Variants in OCRL observed in about 807,000 individuals in gnomAD.
OCRL encodes inositol polyphosphate 5-phosphatase OCRL.
OCRL carries 8 observed loss-of-function variants against 78.9 expected under a neutral mutation model. The ratio of observed to expected loss-of-function variants is 0.10; its 90% confidence interval spans 0.06 to 0.18. OCRL has a LOEUF of 0.18. OCRL is among the 10% of genes least tolerant of loss of function. OCRL has a pLI of 1.00. For missense variants in OCRL, 454 were observed against 696.7 expected (o/e 0.65, Z 3.92); for synonymous variants, 240 against 235.4 (o/e 1.02, Z -0.18).
At chrX:129,566,145 G>A (rs1936213973) in intron 13 of OCRL, among the ~76,000 whole-genome samples, 1 of 112,314 alleles carries the variant, frequency 8.9e-6, no homozygotes, top group African/African-American at 3.2e-5. Context: ...AGATTTCAGA[G>A]ATTTGTCTAA....
intron 12 of OCRL, among the ~76,000 whole-genome samples, chrX:129,564,343 C>A (rs1295496625): frequency 9.1e-6 from 1 of 109,674 alleles, no homozygotes; most frequent in Non-Finnish European, 1.9e-5. Context: ...ACTAGAAATA[C>A]CATTTGACCC....
rs1333937435 is a variant in OCRL, at chrX:129,589,885, G to A, written c.2510G>A (p.Arg837His). ...QLPRCHRNVF[R>H]YLMAFLRELL... is the part of the protein sequence containing the mutation. ...CCGAGATGCCATAGAAATGTTTTCC[G>A]TTACTTGATGGCATTCCTTCGAGAA... The change falls in exon 23 of 24, where the codon CGT becomes CAT. Residue 837 changes from arginine (R) to histidine (H), a missense_variant. Arg to His is a conservative substitution (Grantham distance 29, BLOSUM62 0). Around this residue, in one of 2 missense-constraint regions of OCRL, gnomAD observed 277 missense variants for 517.1 expected, o/e 0.54. Coordinates refer to ENST00000371113, the MANE Select transcript of OCRL (RefSeq NM_000276.4). 5.0e-6 allele frequency: 6 copies of A among 1,208,652 alleles called. No homozygotes were observed. In the African/African-American group the frequency reaches 5.3e-5, roughly 11 times the overall value.
chrX:129,577,626 G>A (rs902727451), intron 18 of OCRL, among the ~76,000 whole-genome samples: 3 of 111,514 alleles, frequency 2.7e-5, no homozygotes, highest in South Asian at 7.6e-4. Flanking sequence ...GTCTGAGTCC[G>A]ATCTGTTCTG....
intron 17 of OCRL, 104 bp downstream of exon 17, chrX:129,576,166 A>G: frequency 3.2e-6 from 3 of 940,858 alleles, no homozygotes; most frequent in Non-Finnish European, 4.6e-6. Flanking sequence ...CTTTACTGTC[A>G]TATTGGTGAT....
At chrX:129,561,408 T>A (rs1936143725) in intron 10 of OCRL, 115 bp downstream of exon 10, 1 of 530,723 alleles carries the variant, frequency 1.9e-6, no homozygotes, top group African/African-American at 2.3e-5. Flanking sequence ...CTTCTCTGTG[T>A]GTAATACTGG....
rs149738778 is a variant in OCRL, at chrX:129,579,517, C to A, written c.2115+2965C>A. On this transcript the variant is annotated intron_variant, in intron 18 of 23. Coordinates refer to ENST00000371113, the MANE Select transcript of OCRL (RefSeq NM_000276.4). Reference sequence around the variant, plus strand: ...TCCTTATGCACTGTTTTAGAAAGATCCTTATGCCACACCATCTTCCCACCA... The same window carrying A: ...TCCTTATGCACTGTTTTAGAAAGATACTTATGCCACACCATCTTCCCACCA... Among the ~76,000 whole-genome samples, 24 of 111,739 alleles carry A rather than the reference C, an allele frequency of 2.1e-4. No homozygotes were observed. The East Asian group carries it at 6.4e-3, about 30-fold the overall frequency.
intron 8 of OCRL, among the ~76,000 whole-genome samples, chrX:129,559,460 A>T (rs1290718299): frequency 9.0e-6 from 1 of 111,416 alleles, no homozygotes; most frequent in Non-Finnish European, 1.9e-5. Context: ...TGGCCTCACA[A>T]AGTGTTAGGA....
At chrX:129,581,764 CATT>C (rs1418522196) in intron 18 of OCRL, among the ~76,000 whole-genome samples, 28 of 91,162 alleles carry the variant, frequency 3.1e-4, no homozygotes, top group Non-Finnish European at 5.5e-4. Context: ...TAAAATTTTC[CATT>C]ATTAAGATGT....
chrX:129,589,544 C>T (rs1226945420), intron 22 of OCRL: 4 of 344,530 alleles, frequency 1.2e-5, no homozygotes, highest in African/African-American at 5.3e-5. Context: ...TACATGCCTA[C>T]GGAAATGGGA....
chrX:129,562,795 T>C lies in OCRL; in HGVS notation c.1244+9T>C. 1 of 1,204,447 alleles carries C rather than the reference T, an allele frequency of 8.3e-7. No individual in the cohort carries two copies. Among genetic ancestry groups the C allele is most frequent in the Non-Finnish European group, 1.1e-6 (1 of 888,769 alleles). On this transcript the variant is annotated intron_variant, in intron 12 of 23. Coordinates refer to ENST00000371113, the MANE Select transcript of OCRL (RefSeq NM_000276.4). ...AACATCATGAAACATGAGTAAGTGG[T>C]TAACTCACCTGTAGCCTTTGAGTAG...
intron 21 of OCRL, 98 bp from the exon 22 acceptor site, chrX:129,588,788 G>A (rs1034056668): frequency 9.8e-7 from 1 of 1,019,283 alleles, no homozygotes; most frequent in Non-Finnish European, 1.4e-6. Context: ...AATAAGAGGA[G>A]GGAAACAGTC....
intron 3 of OCRL, among the ~76,000 whole-genome samples, chrX:129,547,138 A>G (rs1380607543): frequency 9.0e-6 from 1 of 111,211 alleles, no homozygotes; most frequent in Admixed American, 9.6e-5. Context: ...CTGAAGCAGG[A>G]GGGTTGCTTG....
At chrX:129,564,998 G>A (rs1936198386) in intron 12 of OCRL, among the ~76,000 whole-genome samples, 1 of 111,583 alleles carries the variant, frequency 9.0e-6, no homozygotes, top group South Asian at 3.8e-4. Context: ...ATTTCACAGT[G>A]GTAAAGTGAA....
chrX:129,567,702 A>AT lies in OCRL; in HGVS notation c.1466+347dup, dbSNP rs202183208. On this transcript the variant is annotated intron_variant, in intron 14 of 23. Coordinates refer to ENST00000371113, the MANE Select transcript of OCRL (RefSeq NM_000276.4). ...TTCTTACCTATTACCTGTTCTGGCT[A>AT]TTTTTTTTCCCAAACTACCCAGCTA... Among the ~76,000 whole-genome samples the AT allele has an allele frequency of 0.071, 7,823 of 109,968 alleles. 531 individuals carry two copies. Among genetic ancestry groups the AT allele is most frequent in the African/African-American group, 0.21 (6,247 of 30,045 alleles).
At chrX:129,548,636 C>T in intron 4 of OCRL, 35 bp downstream of exon 4, 3 of 1,117,486 alleles carry the variant, frequency 2.7e-6, no homozygotes, top group Non-Finnish European at 3.7e-6. Flanking sequence ...GATTTTTACT[C>T]AACAAATATT....
At chrX:129,561,133 G>T in intron 9 of OCRL, 46 bp from the exon 10 acceptor site, 1 of 832,123 alleles carries the variant, frequency 1.2e-6, no homozygotes, top group Non-Finnish European at 1.8e-6. Flanking sequence ...GGTAGCCAGA[G>T]ATAATTATGG....
intron 15 of OCRL, among the ~76,000 whole-genome samples, chrX:129,571,212 T>C (rs1185745363): frequency 9.0e-6 from 1 of 111,632 alleles, no homozygotes; most frequent in African/African-American, 3.3e-5. Flanking sequence ...TGCCCCTTTT[T>C]CTTCATTTGA....
intron 18 of OCRL, among the ~76,000 whole-genome samples, chrX:129,580,737 A>G (rs906410132): frequency 2.7e-5 from 3 of 112,337 alleles, no homozygotes; most frequent in African/African-American, 9.7e-5. Context: ...TTTTTTCACT[A>G]TGTTTTTACT....
chrX:129,566,168 A>G (rs2124409780), intron 13 of OCRL, among the ~76,000 whole-genome samples: 1 of 112,152 alleles, frequency 8.9e-6, no homozygotes, highest in South Asian at 3.7e-4. Context: ...GAGTTGGTGA[A>G]TGGGTGGGGT....
Sources: allele counts gnomAD v4.1 joint callset (sites outside exome capture counted in the v4.1 genomes callset), GRCh38; gene constraint gnomAD v4.1.1; regional missense constraint gnomAD v4.1.1; transcripts MANE v1.5; gene names NCBI Gene and HGNC (gene_info 2026-07-23, HGNC 2026-07-21).